AGMO: variants seen among roughly 807,000 people sequenced by gnomAD.
AGMO encodes the protein glyceryl-ether monooxygenase.
A neutral mutation model predicts 60.2 loss-of-function variants in AGMO; 75 were observed. The ratio of observed to expected loss-of-function variants is 1.25; its 90% CI spans 1.03 to 1.51. The LOEUF is 1.51. AGMO is among the 40% of genes most tolerant of loss of function. The probability of loss-of-function intolerance (pLI) is 0.00; values close to 1 mark genes in which losing one functional copy is unlikely to be tolerated. For synonymous variants in AGMO, 261 were observed against 177.1 expected, an observed-to-expected ratio of 1.47 and a Z score of -3.76; for missense variants, 763 against 525.5, an observed-to-expected ratio of 1.45 and a Z score of -4.42.
chr7:15,297,670 C>T (rs930095913), intron 12 of AGMO, among the ~76,000 whole-genome samples: 3 of 152,066 alleles, frequency 2.0e-5, no homozygotes, highest in African/African-American at 7.2e-5. Flanking sequence ...CTAGCATACC[C>T]CCCTTCCTGG....
rs1563032651 is a variant in AGMO, at chr7:15,202,457, G to GA, written c.1264-1099_1264-1098insT. On this transcript the variant is annotated intron_variant, in intron 12 of 12. Transcript: ENST00000342526. Reference sequence around the variant, plus strand: ...TCACCAACAACCAAAATACAAATGAGCAAAAAAAAAAAAAAAAAAAAAAAA... The same window carrying GA: ...TCACCAACAACCAAAATACAAATGAGACAAAAAAAAAAAAAAAAAAAAAAAA... 1.1e-3 allele frequency among the ~76,000 whole-genome samples: 7 copies of GA among 6,582 alleles called. No homozygotes were observed. The East Asian group carries it at 0.11, about 106-fold the overall frequency. 4.3% of individuals were successfully genotyped at this position (6,582 alleles called of 152,430 possible). A position where few individuals can be genotyped will look rare whatever the true frequency, so the allele number is the denominator to read the frequency against.
chr7:15,119,951 A>G, the AGMO span, among the ~76,000 whole-genome samples: 1 of 148,208 alleles, frequency 6.7e-6, no homozygotes, highest in East Asian at 2.0e-4. Flanking sequence ...TTTTTTCTAA[A>G]TCCAGTTTCT....
intron 12 of AGMO, among the ~76,000 whole-genome samples, chr7:15,278,506 G>C (rs550214887): frequency 6.6e-6 from 1 of 152,110 alleles, no homozygotes; most frequent in East Asian, 1.9e-4. Context: ...GATAGGGATG[G>C]GTGACTGGCC....
chr7:15,217,015 A>G (rs1781762117), intron 12 of AGMO, among the ~76,000 whole-genome samples: 1 of 152,126 alleles, frequency 6.6e-6, no homozygotes, highest in African/African-American at 2.4e-5. Context: ...TAAATACATC[A>G]TTTGAATACC....
chr7:15,487,532 T>C (rs1442188308), intron 3 of AGMO, among the ~76,000 whole-genome samples: 1 of 152,296 alleles, frequency 6.6e-6, no homozygotes, highest in Admixed American at 6.5e-5. Flanking sequence ...TCAGGTATCA[T>C]GTTTTGTTTA....
intron 12 of AGMO, among the ~76,000 whole-genome samples, chr7:15,359,396 AAT>A (rs1292336581): frequency 1.3e-5 from 2 of 151,254 alleles, no homozygotes; most frequent in Non-Finnish European, 2.9e-5. Flanking sequence ...GGGTGTTTCT[AAT>A]GTGTGGTTTT....
At chr7:15,361,345 C>A (rs1266980815) in intron 12 of AGMO, among the ~76,000 whole-genome samples, 5 of 151,378 alleles carry the variant, frequency 3.3e-5, no homozygotes, top group African/African-American at 1.2e-4. Context: ...TGAGACCATC[C>A]TGGCTAACAT....
intron 3 of AGMO, among the ~76,000 whole-genome samples, chr7:15,533,434 T>C (rs1209544490): frequency 1.3e-5 from 2 of 152,160 alleles, no homozygotes; most frequent in Admixed American, 1.3e-4. Context: ...TCATTTTTAG[T>C]AAAATTTTTA....
At chr7:15,168,204 T>C in the AGMO span, among the ~76,000 whole-genome samples, 1 of 152,212 alleles carries the variant, frequency 6.6e-6, no homozygotes, top group Non-Finnish European at 1.5e-5. Flanking sequence ...AGTTTGATTT[T>C]AATTTTTAAC....
rs375336388 is a variant in AGMO at position 15,261,805 on chromosome 7, G to A, written c.1264-60446C>T. Among the ~76,000 whole-genome samples, 74 of 152,082 alleles carry A rather than the reference G, an allele frequency of 4.9e-4. No individual in the cohort carries two copies. In the South Asian group the frequency reaches 0.014, roughly 29 times the overall value. On this transcript the variant is annotated intron_variant, in intron 12 of 12. Transcript: ENST00000342526. The stretch of plus-strand genomic sequence containing the variant: ...ACATTCCAAAAAGATAATCCACCAT[G>A]ATCAAGTGGGTTTCATACCAGGGAT...
chr7:15,160,663 A>G, the AGMO span, among the ~76,000 whole-genome samples: 1 of 152,350 alleles, frequency 6.6e-6, no homozygotes, highest in African/African-American at 2.4e-5. Flanking sequence ...AAATCTATTT[A>G]TAATTATCCA....
the AGMO span, among the ~76,000 whole-genome samples, chr7:15,177,784 ATAC>A: frequency 6.6e-6 from 1 of 152,138 alleles, no homozygotes; most frequent in Non-Finnish European, 1.5e-5. Flanking sequence ...GTAAAAATAT[ATAC>A]TCTCCCTTCA....
chr7:15,400,342 C>T (rs1196447135), intron 5 of AGMO, among the ~76,000 whole-genome samples: 1 of 152,134 alleles, frequency 6.6e-6, no homozygotes, highest in Non-Finnish European at 1.5e-5. Context: ...GTGCTACTGG[C>T]ATCTAGTGAG....
intron 3 of AGMO, among the ~76,000 whole-genome samples, chr7:15,461,316 A>G (rs920657950): frequency 2.6e-5 from 4 of 151,512 alleles, no homozygotes; most frequent in Non-Finnish European, 5.9e-5. Flanking sequence ...AAAACTTTAT[A>G]CCCCTTTTCT....
intron 12 of AGMO, among the ~76,000 whole-genome samples, chr7:15,312,884 G>T (rs1018114112): frequency 6.6e-6 from 1 of 151,972 alleles, no homozygotes; most frequent in African/African-American, 2.4e-5. Context: ...GCCCAGGATG[G>T]TCTCAAACTC....
the AGMO span, among the ~76,000 whole-genome samples, chr7:15,194,657 G>A: frequency 3.3e-5 from 5 of 152,114 alleles, no homozygotes; most frequent in African/African-American, 9.7e-5. Flanking sequence ...TATATGTTTA[G>A]CATAAGTTTT....
At chr7:15,125,595 C>T in the AGMO span, among the ~76,000 whole-genome samples, 1 of 152,012 alleles carries the variant, frequency 6.6e-6, no homozygotes, top group Non-Finnish European at 1.5e-5. Context: ...AGTGTTTATG[C>T]TTACCAGGTG....
intron 12 of AGMO, among the ~76,000 whole-genome samples, chr7:15,260,169 A>G (rs1222468579): frequency 6.6e-6 from 1 of 150,982 alleles, no homozygotes; most frequent in Non-Finnish European, 1.5e-5. Flanking sequence ...TTCACCAAGC[A>G]AGTGATCACA....
chr7:15,435,314 CTT>C (rs375796651), intron 3 of AGMO, among the ~76,000 whole-genome samples: 5 of 143,376 alleles, frequency 3.5e-5, no homozygotes, highest in East Asian at 2.0e-4. Context: ...GTGGCTGTGC[CTT>C]TTTTTTTTTT....
Sources: allele counts gnomAD v4.1 joint callset (sites outside exome capture counted in the v4.1 genomes callset), GRCh38; gene constraint gnomAD v4.1.1; transcripts MANE v1.5; gene names NCBI Gene and HGNC (gene_info 2026-07-23, HGNC 2026-07-21).